Variants in ATP8A2 observed in about 807,000 individuals in gnomAD.
ATP8A2 encodes the protein phospholipid-transporting ATPase IB.
ATP8A2 carries 100 observed loss-of-function variants against 165.6 expected under a neutral mutation model. That is an observed-to-expected ratio of 0.60 (90% confidence interval 0.51 to 0.71). The LOEUF (loss-of-function observed/expected upper bound fraction) is 0.71, where lower values mean the gene tolerates loss of function less well. ATP8A2 is among the 30% of genes least tolerant of loss of function. The pLI is 0.00. For synonymous variants in ATP8A2, 543 were observed against 548.8 expected, an observed-to-expected ratio of 0.99 and a Z score of 0.15; for missense variants, 1,227 against 1,479.5, an observed-to-expected ratio of 0.83 and a Z score of 2.80.
intron 35 of ATP8A2, among the ~76,000 whole-genome samples, chr13:25,999,148 C>T (rs994083823): frequency 2.6e-5 from 4 of 152,108 alleles, no homozygotes; most frequent in African/African-American, 9.7e-5. Flanking sequence ...CATATTGAAC[C>T]GTGTCCTCTG....
Position 25,541,925 on chromosome 13 carries a change from A to G in ATP8A2, c.658A>G (p.Ser220Gly), listed in dbSNP as rs2038490272. The G allele has an allele frequency of 6.2e-7, 1 of 1,614,048 alleles. No homozygotes were observed. Among genetic ancestry groups the G allele is most frequent in the Non-Finnish European group, 8.5e-7 (1 of 1,179,972 alleles). ...TTTTGGTTTAATCTTTTAGGGTTTG[A>G]GTCACACTGCTGACATGCAAACACG... Reference protein sequence around the residue: ...ETNLKIRQGLSHTADMQTREV... With the variant: ...ETNLKIRQGLGHTADMQTREV... Residue 220 changes from serine to glycine, a missense_variant, in exon 9 of 37, where the codon AGT becomes GGT. By Grantham distance (56) the Ser-to-Gly change is moderately conservative. Coordinates refer to ENST00000381655, the MANE Select transcript of ATP8A2 (RefSeq NM_016529.6).
chr13:25,937,104 G>A (rs906155081), intron 33 of ATP8A2, among the ~76,000 whole-genome samples: 1 of 152,128 alleles, frequency 6.6e-6, no homozygotes, highest in Admixed American at 6.5e-5. Context: ...GAGAAAGCAA[G>A]TTGGTAATAA....
intron 2 of ATP8A2, among the ~76,000 whole-genome samples, chr13:25,513,287 G>C (rs986259998): frequency 1.3e-5 from 2 of 151,924 alleles, no homozygotes; most frequent in East Asian, 3.9e-4. Context: ...ACGGGGTCGC[G>C]GCCGGGTAGG....
In ATP8A2 at chr13:25,411,650, CT is replaced by C. The variant is rs1167204451; in HGVS notation, c.76+39363del. ...CAGAATGTATTGTTTTAAAAAAATACTGCATAATTCCATTTTATGTTAAAAA... is the reference window on the plus strand; with the variant it reads ...CAGAATGTATTGTTTTAAAAAAATACGCATAATTCCATTTTATGTTAAAAA... On this transcript the variant is annotated intron_variant, in intron 1 of 36. Coordinates refer to ENST00000381655, the MANE Select transcript of ATP8A2 (RefSeq NM_016529.6). 2.0e-5 allele frequency among the ~76,000 whole-genome samples: 3 copies of C among 152,274 alleles called. No homozygotes were observed. The East Asian group carries it at 5.8e-4, about 29-fold the overall frequency.
At chr13:25,474,837 T>G (rs1411309890) in intron 2 of ATP8A2, among the ~76,000 whole-genome samples, 1 of 151,982 alleles carries the variant, frequency 6.6e-6, no homozygotes, top group Non-Finnish European at 1.5e-5. Context: ...GTTATTATTA[T>G]TATTATTATC....
chr13:25,505,115 C>G (rs531329993), intron 2 of ATP8A2, among the ~76,000 whole-genome samples: 6 of 144,840 alleles, frequency 4.1e-5, no homozygotes, highest in Non-Finnish European at 7.4e-5. Flanking sequence ...TTGAATGGGT[C>G]TGAAATTGCT....
intron 33 of ATP8A2, among the ~76,000 whole-genome samples, chr13:25,942,526 G>A (rs148773389): frequency 3.9e-4 from 59 of 152,242 alleles, no homozygotes; most frequent in Admixed American, 7.2e-4. Context: ...GGGCTCAAGC[G>A]ATTCTCCTGC....
At position 25,956,692 on chromosome 13, in the gene ATP8A2, T is replaced by C. The variant is rs187314703; in HGVS notation, c.3184-4883T>C. Among the ~76,000 whole-genome samples, 166 of 152,330 alleles carry C rather than the reference T, an allele frequency of 1.1e-3. 3 individuals carry two copies. The highest frequency in any genetic ancestry group is 3.8e-3 in the African/African-American group (157 of 41,586). On this transcript the variant is annotated intron_variant, in intron 33 of 36. Coordinates refer to ENST00000381655, the MANE Select transcript of ATP8A2 (RefSeq NM_016529.6). Reference sequence around the variant, plus strand: ...ATCAATATCATGAAAATGGCCATACTGCCAAAGTAATTTATAGATTCAATG... The same window carrying C: ...ATCAATATCATGAAAATGGCCATACCGCCAAAGTAATTTATAGATTCAATG...
At chr13:25,408,338 A>G (rs1041040000) in intron 1 of ATP8A2, among the ~76,000 whole-genome samples, 11 of 151,780 alleles carry the variant, frequency 7.2e-5, no homozygotes, top group Non-Finnish European at 1.0e-4. Context: ...GGTTGCAGTG[A>G]GCCGAGATTG....
intron 33 of ATP8A2, among the ~76,000 whole-genome samples, chr13:25,916,103 G>T (rs550601523): frequency 1.3e-5 from 2 of 152,296 alleles, no homozygotes; most frequent in South Asian, 4.1e-4. Context: ...TCCACCAACT[G>T]TGCGTCAGAT....
chr13:25,475,693 T>A (rs893851045), intron 2 of ATP8A2, among the ~76,000 whole-genome samples: 2 of 152,246 alleles, frequency 1.3e-5, no homozygotes, highest in African/African-American at 4.8e-5. Flanking sequence ...ATATTTTGGC[T>A]TTTTAAATAG....
chr13:25,657,385 C>A (rs1218581363), intron 24 of ATP8A2, among the ~76,000 whole-genome samples: 2 of 152,160 alleles, frequency 1.3e-5, no homozygotes, highest in African/African-American at 4.8e-5. Context: ...CTCCGTGAAG[C>A]AGGAGTTACA....
chr13:25,606,532 TG>T (rs1254579411), intron 24 of ATP8A2, among the ~76,000 whole-genome samples: 1 of 152,204 alleles, frequency 6.6e-6, no homozygotes, highest in East Asian at 1.9e-4. Context: ...TCCAGCTGAA[TG>T]GTCTAGTTCT....
chr13:25,942,515 C>T (rs1237231474), intron 33 of ATP8A2, among the ~76,000 whole-genome samples: 1 of 152,300 alleles, frequency 6.6e-6, no homozygotes, highest in Non-Finnish European at 1.5e-5. Flanking sequence ...ATCTGCCTCC[C>T]GGGCTCAAGC....
intron 18 of ATP8A2, among the ~76,000 whole-genome samples, chr13:25,573,609 G>A (rs1322760831): frequency 6.6e-6 from 1 of 152,164 alleles, no homozygotes; most frequent in Admixed American, 6.5e-5. Context: ...AAATGTCCTC[G>A]CCAATAGTCA....
intron 30 of ATP8A2, among the ~76,000 whole-genome samples, chr13:25,853,396 A>AAAAT (rs1555278504): frequency 7.6e-4 from 82 of 107,842 alleles, no homozygotes; most frequent in East Asian, 4.9e-3. Flanking sequence ...ATCTAAAAAA[A>AAAAT]ATATATATAT....
At chr13:25,702,857 C>T (rs1459307400) in intron 25 of ATP8A2, among the ~76,000 whole-genome samples, 1 of 152,060 alleles carries the variant, frequency 6.6e-6, no homozygotes, top group East Asian at 1.9e-4. Context: ...TCTGTGGCAC[C>T]TTTCTCTTCT....
At chr13:25,472,142 C>G (rs1004323544) in intron 2 of ATP8A2, among the ~76,000 whole-genome samples, 1 of 152,032 alleles carries the variant, frequency 6.6e-6, no homozygotes, top group Non-Finnish European at 1.5e-5. Context: ...ACCTGTAATC[C>G]CAGCACTTTG....
At chr13:25,589,745 A>G (rs1396739867) in intron 24 of ATP8A2, 46 bp downstream of exon 24, 1 of 1,214,914 alleles carries the variant, frequency 8.2e-7, no homozygotes, top group East Asian at 2.4e-5. Context: ...TAACAGTATT[A>G]AACTCTTTCT....
Sources: allele counts gnomAD v4.1 joint callset (sites outside exome capture counted in the v4.1 genomes callset), GRCh38; gene constraint gnomAD v4.1.1; transcripts MANE v1.5; gene names NCBI Gene and HGNC (gene_info 2026-07-23, HGNC 2026-07-21).